The following PELP1 variants were observed in gnomAD, a reference collection of about 807,000 sequenced individuals.
PELP1 encodes proline-, glutamic acid- and leucine-rich protein 1.
A neutral mutation model predicts 95.5 loss-of-function variants in PELP1; 32 were observed. That is an observed-to-expected ratio of 0.34 (90% CI 0.25 to 0.45). The LOEUF is 0.45. PELP1 is among the 20% of genes least tolerant of loss of function. PELP1 has a pLI of 1.00. For synonymous variants in PELP1, 668 were observed against 600.1 expected (o/e 1.11, Z -1.65); for missense variants, 1,358 against 1,444.8 (o/e 0.94, Z 0.97).
Position 4,704,074 on chromosome 17 carries a change from G to C in PELP1, c.38C>G (p.Ser13Cys), listed in dbSNP as rs774690747. The change falls in exon 1 of 17, where the codon TCC becomes TGC. Residue 13 changes from serine to cysteine, a missense_variant. Coordinates refer to ENST00000572293, the MANE Select transcript of PELP1 (RefSeq NM_014389.3). ...AAVLSGPSAG[S>C]AAGVPGGTGG... ...GGTCCCGCCAGGAACCCCAGCCGCG[G>C]AGCCCGCAGAGGGCCCACTCAGAAC... is the stretch of plus-strand genomic sequence containing the variant. 24 of 1,611,402 alleles carry C rather than the reference G, an allele frequency of 1.5e-5. No individual in the cohort carries two copies. The highest frequency in any genetic ancestry group is 2.0e-5 in the Non-Finnish European group (24 of 1,179,420).
In PELP1 at chr17:4,672,472, G is replaced by A. The variant is rs757414848; in HGVS notation, c.2519C>T (p.Pro840Leu). 5.9e-5 allele frequency: 92 copies of A among 1,567,576 alleles called. No individual in the cohort carries two copies. Among genetic ancestry groups the A allele is most frequent in the Middle Eastern group, 3.4e-4 (2 of 5,886 alleles). The change falls in exon 16 of 17, where the codon CCG becomes CTG. Residue 840 changes from proline to leucine, a missense_variant. Transcript: ENST00000572293. The stretch of plus-strand genomic sequence containing the variant: ...AGGCGGCGGCGGAGGTGGGGGTGGC[G>A]GGAGAGGCCCTGGGGCTGCAGGAAG... Reference protein sequence around the residue: ...EELPAAPGPLPPPPPPPPPVP... With the variant: ...EELPAAPGPLLPPPPPPPPVP...
In PELP1 at chr17:4,676,392, G is replaced by A; in HGVS notation, c.818C>T (p.Thr273Ile). The A allele has an allele frequency of 6.2e-7, 1 of 1,613,130 alleles. No individual in the cohort carries two copies. The highest frequency in any genetic ancestry group is 1.1e-5 in the South Asian group (1 of 91,068). ...ELHSLLASLHTLLGALYEGAE... is the reference protein window; with the variant it reads ...ELHSLLASLHILLGALYEGAE... ...TCCCTCGTACAGGGCCCCCAGCAGG[G>A]TGTGCAGTGAGGCCAGCAGACTGTG... Residue 273 changes from threonine to isoleucine, a missense_variant, in exon 7 of 17, where the codon ACC becomes ATC. This residue lies in a region of PELP1 where 538 missense variants were observed against 628.1 expected (regional missense o/e 0.86). Transcript: ENST00000572293.
intron 1 of PELP1, among the ~76,000 whole-genome samples, chr17:4,697,324 G>A (rs1222202373): frequency 6.6e-6 from 1 of 152,146 alleles, no homozygotes; most frequent in Non-Finnish European, 1.5e-5. Flanking sequence ...ACCAGCCTCA[G>A]CAACATAGCG....
At chr17:4,697,300 CTCAAGAGT>C (rs1446787417) in intron 1 of PELP1, among the ~76,000 whole-genome samples, 1 of 152,056 alleles carries the variant, frequency 6.6e-6, no homozygotes, top group Non-Finnish European at 1.5e-5. Context: ...ACTGCTTGAG[CTCAAGAGT>C]TCAAGACCAG....
chr17:4,673,255 G>A lies in PELP1; in HGVS notation c.1840C>T (p.Leu614Phe). The A allele has an allele frequency of 6.4e-7, 1 of 1,569,880 alleles. No homozygotes were observed. The highest frequency in any genetic ancestry group is 8.6e-7 in the Non-Finnish European group (1 of 1,156,906). Residue 614 changes from leucine to phenylalanine, a missense_variant, in exon 15 of 17, where the codon CTT (leucine) becomes TTT (phenylalanine). Coordinates refer to ENST00000572293, the MANE Select transcript of PELP1 (RefSeq NM_014389.3). The surrounding 1 kb of genome is among the most constrained non-coding windows in gnomAD (Gnocchi z 5.7). ...GCTTGGCCCATCACAGTTACCTCAAGGCTATCTTCTCGCTGGCCGAGGGAG... is the reference window on the plus strand; with the variant it reads ...GCTTGGCCCATCACAGTTACCTCAAAGCTATCTTCTCGCTGGCCGAGGGAG... The part of the protein sequence containing the change: ...AFSLGQREDS[L>F]EVSSFCSEAL...
chr17:4,683,114 G>A lies in PELP1; in HGVS notation c.421-162C>T. On this transcript the variant is annotated intron_variant, in intron 3 of 16. Coordinates refer to ENST00000572293, the MANE Select transcript of PELP1 (RefSeq NM_014389.3). ...AAGAGGGTGTGGAGACACGGATACT[G>A]TGTTTACATTTTACTATTACGGGTA... is the stretch of plus-strand genomic sequence containing the variant. 5.5e-6 allele frequency: 7 copies of A among 1,274,380 alleles called. No individual in the cohort carries two copies. The South Asian group carries it at 1.6e-4, about 29-fold the overall frequency. 78.9% of individuals were successfully genotyped at this position (1,274,380 alleles called of 1,614,324 possible). A position where few individuals can be genotyped will look rare whatever the true frequency, so the allele number is the denominator to read the frequency against.
At chr17:4,687,882 A>G (rs1279713282) in intron 3 of PELP1, among the ~76,000 whole-genome samples, 1 of 152,230 alleles carries the variant, frequency 6.6e-6, no homozygotes, top group African/African-American at 2.4e-5. Flanking sequence ...AAAGAGCAAC[A>G]AAGTATGAAA....
chr17:4,703,875 C>T lies in PELP1; in HGVS notation c.237G>A (p.Val79=). ...LMCLLRLHGS[V]GGAQNLSALG... is the part of the protein sequence containing the mutation. The stretch of plus-strand genomic sequence containing the variant: ...GCCACGGACTCACCTGGGCCCCGCC[C>T]ACCGACCCATGCAGCCGCAATAGGC... The change falls in exon 1 of 17, where the codon GTG becomes GTA. Residue 79 remains valine (V), a synonymous_variant. Transcript: ENST00000572293. The T allele has an allele frequency of 1.2e-6, 2 of 1,611,694 alleles. No homozygotes were observed. Among genetic ancestry groups the T allele is most frequent in the South Asian group, 1.1e-5 (1 of 90,964 alleles).
rs1334111972 is a variant in PELP1, at chr17:4,672,021, C to T, written c.2970G>A (p.Glu990=). 2.5e-6 allele frequency: 4 copies of T among 1,575,302 alleles called. No homozygotes were observed. The highest frequency in any genetic ancestry group is 3.4e-6 in the Non-Finnish European group (4 of 1,162,480). The change falls in exon 16 of 17, where the codon GAG becomes GAA. Residue 990 remains glutamate (E), a synonymous_variant. Transcript: ENST00000572293. Reference sequence around the variant, plus strand: ...GTTCTGGCTGCACCTTTGGGGGAGACTCAGGGGGAGGCAGAGCTGGAGGCA... The same window carrying T: ...GTTCTGGCTGCACCTTTGGGGGAGATTCAGGGGGAGGCAGAGCTGGAGGCA... ...PTLPPALPPP[E]SPPKVQPEPE... is the part of the protein sequence containing the mutation.
chr17:4,672,900 C>T lies in PELP1; in HGVS notation c.2091G>A (p.Ser697=), dbSNP rs773295937. ...GPMPSAGPVP[S]ARPGPPTTAN... ...CTGTGGTGGGAGGTCCAGGGCGTGC[C>T]GAGGGCACAGGGCCTGCTGAGGGCA... Residue 697 remains serine (S), a synonymous_variant, in exon 16 of 17, where the codon TCG becomes TCA. Coordinates refer to ENST00000572293, the MANE Select transcript of PELP1 (RefSeq NM_014389.3). 8.1e-6 allele frequency: 13 copies of T among 1,609,518 alleles called. No individual in the cohort carries two copies. The highest frequency in any genetic ancestry group is 2.7e-5 in the African/African-American group (2 of 74,738).
intron 6 of PELP1, 122 bp from the exon 7 acceptor site, chr17:4,676,629 G>A (rs981470573): frequency 1.4e-6 from 2 of 1,407,796 alleles, no homozygotes; most frequent in Non-Finnish European, 2.0e-6. Flanking sequence ...ACCTGAGATG[G>A]GACAATGAGG....
intron 1 of PELP1, among the ~76,000 whole-genome samples, chr17:4,693,215 A>C (rs1002540596): frequency 6.6e-6 from 1 of 152,220 alleles, no homozygotes; most frequent in African/African-American, 2.4e-5. Flanking sequence ...GAAAACCTAC[A>C]TCCTCACAAC....
intron 5 of PELP1, among the ~76,000 whole-genome samples, chr17:4,677,225 A>C (rs1036817139): frequency 1.7e-4 from 26 of 152,192 alleles, no homozygotes; most frequent in African/African-American, 6.3e-4. Context: ...TGAGGGCAGG[A>C]CAAGGTCAAA....
chr17:4,703,690 C>G (rs1175622356), intron 1 of PELP1, among the ~76,000 whole-genome samples, 173 bp downstream of exon 1: 1 of 152,146 alleles, frequency 6.6e-6, no homozygotes, highest in Non-Finnish European at 1.5e-5. Flanking sequence ...AACTCATGGC[C>G]GATAAAGGAG....
Position 4,671,328 on chromosome 17 carries a change from C to A in PELP1, c.*111G>T. 1.4e-6 allele frequency: 1 copy of A among 697,706 alleles called. No homozygotes were observed. Among genetic ancestry groups the A allele is most frequent in the Non-Finnish European group, 2.6e-6 (1 of 381,264 alleles). 43.2% of individuals were successfully genotyped at this position (697,706 alleles called of 1,614,324 possible). A position where few individuals can be genotyped will look rare whatever the true frequency, so the allele number is the denominator to read the frequency against. ...ACTATGGACACCCTGAAAAGCCCAG[C>A]AGACACTTGAGCTTCTGGCTGGGGA... On this transcript the variant is annotated 3_prime_UTR_variant, in exon 17 of 17. Coordinates refer to ENST00000572293, the MANE Select transcript of PELP1 (RefSeq NM_014389.3).
At chr17:4,686,793 C>T (rs140888387) in intron 3 of PELP1, among the ~76,000 whole-genome samples, 24,680 of 152,216 alleles carry the variant, frequency 0.16, 2,589 homozygotes, top group Non-Finnish European at 0.25. Context: ...GCTGGGATTA[C>T]AGGCGTGAGC....
intron 5 of PELP1, 106 bp downstream of exon 5, chr17:4,682,396 T>C: frequency 1.3e-6 from 1 of 768,304 alleles, no homozygotes; most frequent in Non-Finnish European, 2.3e-6. Flanking sequence ...ATAGGTAACT[T>C]TAAAGGATAA....
intron 1 of PELP1, among the ~76,000 whole-genome samples, chr17:4,695,945 G>A (rs1454311885): frequency 6.6e-6 from 1 of 151,214 alleles, no homozygotes; most frequent in Non-Finnish European, 1.5e-5. Flanking sequence ...GGGATTACAG[G>A]AGTGAACCAC....
At chr17:4,680,032 G>C (rs984745435) in intron 5 of PELP1, among the ~76,000 whole-genome samples, 2 of 152,190 alleles carry the variant, frequency 1.3e-5, no homozygotes, top group African/African-American at 4.8e-5. Context: ...GCTGCTACCT[G>C]CCCTGGTTTT....
Sources: allele counts gnomAD v4.1 joint callset (sites outside exome capture counted in the v4.1 genomes callset), GRCh38; gene constraint gnomAD v4.1.1; regional missense constraint gnomAD v4.1.1; non-coding constraint Gnocchi (gnomAD v3.1); transcripts MANE v1.5; gene names NCBI Gene and HGNC (gene_info 2026-07-23, HGNC 2026-07-21).